DRC11: variants seen among roughly 807,000 people sequenced by gnomAD.
DRC11 encodes the protein IQ and AAA domain-containing protein 1.
At chr2:236,338,408 C>A in the DRC11 span, 8 of 1,573,746 alleles carry the variant, frequency 5.1e-6, 1 homozygote, top group South Asian at 2.3e-5. Flanking sequence ...AAAAATTGGT[C>A]CACATATAGA....
the DRC11 span, chr2:236,441,071 G>A: frequency 1.3e-6 from 2 of 1,560,392 alleles, no homozygotes; most frequent in Non-Finnish European, 8.7e-7. Context: ...AAAAATAATA[G>A]CTGACCCTCC....
the DRC11 span, among the ~76,000 whole-genome samples, chr2:236,480,898 C>T: frequency 6.6e-6 from 1 of 152,064 alleles, no homozygotes; most frequent in East Asian, 1.9e-4. Flanking sequence ...TACAATTTAC[C>T]TGTTGAATTT....
the DRC11 span, among the ~76,000 whole-genome samples, chr2:236,388,847 A>T: frequency 6.6e-6 from 1 of 151,632 alleles, no homozygotes; most frequent in East Asian, 1.9e-4. Context: ...TTTGGTGTGG[A>T]TGTCCTTTCT....
At chr2:236,497,081 A>G in the DRC11 span, 1 of 1,079,904 alleles carries the variant, frequency 9.3e-7, no homozygotes, top group African/African-American at 1.6e-5. This position sits in a 1 kb window ranked among gnomAD's most constrained non-coding sequence, Gnocchi z 5.1. Flanking sequence ...GGAAGTCTGT[A>G]GAGTATCGTG....
the DRC11 span, among the ~76,000 whole-genome samples, chr2:236,389,196 C>G: frequency 2.6e-5 from 4 of 152,218 alleles, no homozygotes; most frequent in African/African-American, 7.2e-5. Flanking sequence ...CCACCCAGTT[C>G]GAGCTTCCCG....
chr2:236,472,100 G>T, the DRC11 span, among the ~76,000 whole-genome samples: 1 of 152,166 alleles, frequency 6.6e-6, no homozygotes, highest in Non-Finnish European at 1.5e-5. This position sits in a 1 kb window ranked among gnomAD's most constrained non-coding sequence, Gnocchi z 4.6. Flanking sequence ...AAAAGAAAAT[G>T]GTGACTTTTC....
chr2:236,456,639 C>T, the DRC11 span, among the ~76,000 whole-genome samples: 11 of 152,138 alleles, frequency 7.2e-5, no homozygotes, highest in South Asian at 1.7e-3. The surrounding 1 kb of genome is among the most constrained non-coding windows in gnomAD (Gnocchi z 5.4). Context: ...CTCAAGCTTA[C>T]GTGAGTTAAA....
the DRC11 span, chr2:236,391,948 C>A: frequency 1.9e-6 from 3 of 1,592,236 alleles, no homozygotes; most frequent in Non-Finnish European, 2.6e-6. The surrounding 1 kb of genome is among the most constrained non-coding windows in gnomAD (Gnocchi z 4.5). Flanking sequence ...CTCCACCGCA[C>A]CCCTCTGCAG....
chr2:236,473,590 A>T, the DRC11 span, among the ~76,000 whole-genome samples: 2 of 152,158 alleles, frequency 1.3e-5, no homozygotes, highest in Non-Finnish European at 2.9e-5. This position sits in a 1 kb window ranked among gnomAD's most constrained non-coding sequence, Gnocchi z 4.8. Context: ...AAAATATATG[A>T]TGGTCATGAC....
the DRC11 span, among the ~76,000 whole-genome samples, chr2:236,381,576 A>G: frequency 6.6e-6 from 1 of 152,344 alleles, no homozygotes; most frequent in South Asian, 2.1e-4. The surrounding 1 kb of genome is among the most constrained non-coding windows in gnomAD (Gnocchi z 5.8). Flanking sequence ...GGCAGTCCCA[A>G]TCACCTTTCT....
chr2:236,335,421 G>A, the DRC11 span, among the ~76,000 whole-genome samples: 3 of 152,128 alleles, frequency 2.0e-5, no homozygotes, highest in East Asian at 3.9e-4. This position sits in a 1 kb window ranked among gnomAD's most constrained non-coding sequence, Gnocchi z 5.6. Context: ...GTGCTTCAGC[G>A]GACAGAACCC....
At chr2:236,459,507 GTATACGTATACATGTATACA>G in the DRC11 span, among the ~76,000 whole-genome samples, 1 of 100,144 alleles carries the variant, frequency 1.0e-5, no homozygotes, top group East Asian at 3.4e-4. Flanking sequence ...ATATGTATAC[GTATACGTATACATGTATACA>G]TGTATACGTA....
chr2:236,353,166 C>T, the DRC11 span, among the ~76,000 whole-genome samples: 2 of 152,180 alleles, frequency 1.3e-5, no homozygotes, highest in Non-Finnish European at 2.9e-5. The surrounding 1 kb of genome is among the most constrained non-coding windows in gnomAD (Gnocchi z 5.0). Context: ...TTTGAGGTCA[C>T]GGACAATTAC....
chr2:236,448,499 C>T, the DRC11 span, among the ~76,000 whole-genome samples: 2 of 151,664 alleles, frequency 1.3e-5, no homozygotes, highest in Non-Finnish European at 2.9e-5. This position sits in a 1 kb window ranked among gnomAD's most constrained non-coding sequence, Gnocchi z 5.3. Flanking sequence ...CCATGCCTGG[C>T]TAATTTTTGT....
At chr2:236,505,529 T>C in the DRC11 span, among the ~76,000 whole-genome samples, 1 of 151,962 alleles carries the variant, frequency 6.6e-6, no homozygotes, top group African/African-American at 2.4e-5. Context: ...GGGGACCCCT[T>C]CTCTTCACTG....
At chr2:236,319,645 G>A in the DRC11 span, among the ~76,000 whole-genome samples, 2 of 152,096 alleles carry the variant, frequency 1.3e-5, no homozygotes, top group Admixed American at 1.3e-4. This position sits in a 1 kb window ranked among gnomAD's most constrained non-coding sequence, Gnocchi z 6.7. Flanking sequence ...AAAGCTCAAC[G>A]TGAGAAACTC....
chr2:236,500,061 G>T, the DRC11 span, among the ~76,000 whole-genome samples: 2 of 150,982 alleles, frequency 1.3e-5, no homozygotes, highest in African/African-American at 2.5e-5. The surrounding 1 kb of genome is among the most constrained non-coding windows in gnomAD (Gnocchi z 6.3). Flanking sequence ...GTATCTTGAT[G>T]TTTGCAAGAC....
At chr2:236,359,117 G>A in the DRC11 span, among the ~76,000 whole-genome samples, 11 of 152,070 alleles carry the variant, frequency 7.2e-5, no homozygotes, top group East Asian at 1.9e-4. This position sits in a 1 kb window ranked among gnomAD's most constrained non-coding sequence, Gnocchi z 4.3. Context: ...AGCAGAGGAC[G>A]CTTCAGCGGC....
the DRC11 span, among the ~76,000 whole-genome samples, chr2:236,392,817 C>T: frequency 2.0e-5 from 3 of 152,178 alleles, no homozygotes; most frequent in Non-Finnish European, 2.9e-5. The surrounding 1 kb of genome is among the most constrained non-coding windows in gnomAD (Gnocchi z 5.1). Flanking sequence ...ACAAAACAGA[C>T]AACACTAAAC....
Sources: allele counts gnomAD v4.1 joint callset (sites outside exome capture counted in the v4.1 genomes callset), GRCh38; gene constraint gnomAD v4.1.1; non-coding constraint Gnocchi (gnomAD v3.1); transcripts MANE v1.5; gene names NCBI Gene and HGNC (gene_info 2026-07-23, HGNC 2026-07-21).